Variants in DOCK4 observed in about 807,000 individuals in gnomAD.
The protein encoded by DOCK4 is dedicator of cytokinesis 4, also known as dedicator of cytokinesis protein 4.
DOCK4 carries 97 observed loss-of-function variants against 268.1 expected under a neutral mutation model. The observed-to-expected ratio is 0.36, with a 90% CI of 0.31 to 0.43. DOCK4 has a LOEUF of 0.43. Ranked by LOEUF, DOCK4 falls within the 20% of genes least tolerant of loss-of-function variation. The pLI is 1.00. For synonymous variants in DOCK4, 954 were observed against 887.2 expected, an observed-to-expected ratio of 1.08 and a Z score of -1.34; for missense variants, 2,145 against 2,455.7, an observed-to-expected ratio of 0.87 and a Z score of 2.67.
intron 8 of DOCK4, among the ~76,000 whole-genome samples, chr7:111,947,874 C>T (rs1311141222): frequency 1.3e-5 from 2 of 152,008 alleles, no homozygotes; most frequent in African/African-American, 4.8e-5. Context: ...CAGCTGTGTG[C>T]CACCACACTC....
At chr7:112,078,756 T>C (rs1035526660) in intron 1 of DOCK4, among the ~76,000 whole-genome samples, 22 of 152,226 alleles carry the variant, frequency 1.4e-4, no homozygotes, top group African/African-American at 4.8e-4. Flanking sequence ...CACTCACTTA[T>C]ACACGTATCT....
At chr7:111,987,102 G>A (rs1408901428) in intron 6 of DOCK4, among the ~76,000 whole-genome samples, 3 of 152,036 alleles carry the variant, frequency 2.0e-5, no homozygotes, top group Non-Finnish European at 2.9e-5. Context: ...CAAAGAAAAC[G>A]GAATCATAGC....
At chr7:111,742,818 G>A (rs367648221) in intron 44 of DOCK4, among the ~76,000 whole-genome samples, 2 of 151,910 alleles carry the variant, frequency 1.3e-5, no homozygotes, top group African/African-American at 2.4e-5. Context: ...ACAGTGAAAC[G>A]CTGTCTCTAC....
chr7:111,856,079 T>C (rs1804985571), intron 23 of DOCK4, among the ~76,000 whole-genome samples: 2 of 152,166 alleles, frequency 1.3e-5, no homozygotes, highest in African/African-American at 4.8e-5. Flanking sequence ...CAATTCCCAC[T>C]ACCTTGCAAG....
intron 1 of DOCK4, among the ~76,000 whole-genome samples, chr7:112,078,327 G>C (rs1042647377): frequency 6.6e-6 from 1 of 152,008 alleles, no homozygotes; most frequent in Non-Finnish European, 1.5e-5. Context: ...CTACGTCCAA[G>C]ACAACTAGAG....
At chr7:112,045,894 A>G (rs553809967) in intron 1 of DOCK4, among the ~76,000 whole-genome samples, 2 of 152,346 alleles carry the variant, frequency 1.3e-5, no homozygotes, top group African/African-American at 4.8e-5. Flanking sequence ...CCCTCCAAAA[A>G]AGTTTGTTAA....
chr7:111,876,839 CCTT>C (rs1355694772), intron 17 of DOCK4, among the ~76,000 whole-genome samples, 188 bp downstream of exon 17: 3 of 146,600 alleles, frequency 2.0e-5, no homozygotes, highest in Non-Finnish European at 3.0e-5. Flanking sequence ...ATTCTGAAGT[CCTT>C]CTTAAATGAC....
rs141947309 is a variant in DOCK4, at chr7:112,142,709, C to A, written c.37+63393G>T. Among the ~76,000 whole-genome samples the A allele has an allele frequency of 4.3e-3, 659 of 151,976 alleles. 8 individuals carry two copies. Among genetic ancestry groups the A allele is most frequent in the African/African-American group, 0.015 (634 of 41,432 alleles). ...TTACCACTACAGAACTAAACAGGATCCTGAATTTTGTGTATATCATTCACA... is the reference window on the plus strand; with the variant it reads ...TTACCACTACAGAACTAAACAGGATACTGAATTTTGTGTATATCATTCACA... On this transcript the variant is annotated intron_variant, in intron 1 of 52. Coordinates refer to ENST00000428084, the MANE Select transcript of DOCK4 (RefSeq NM_001363540.2).
At chr7:112,185,092 A>G (rs1381931344) in intron 1 of DOCK4, among the ~76,000 whole-genome samples, 1 of 152,200 alleles carries the variant, frequency 6.6e-6, no homozygotes, top group African/African-American at 2.4e-5. Flanking sequence ...TAAAAAATAA[A>G]GAATCTATAG....
At chr7:112,160,157 A>G (rs1816978163) in intron 1 of DOCK4, among the ~76,000 whole-genome samples, 1 of 152,174 alleles carries the variant, frequency 6.6e-6, no homozygotes, top group African/African-American at 2.4e-5. Context: ...TGTCTATCTC[A>G]GTGCACTGCA....
intron 35 of DOCK4, among the ~76,000 whole-genome samples, chr7:111,779,570 T>C (rs1274073548): frequency 6.6e-6 from 1 of 152,036 alleles, no homozygotes; most frequent in African/African-American, 2.4e-5. Flanking sequence ...GCTAAGAATT[T>C]TTAGTAGAGA....
At chr7:111,899,919 G>C (rs866739461) in intron 15 of DOCK4, among the ~76,000 whole-genome samples, 26 of 152,266 alleles carry the variant, frequency 1.7e-4, no homozygotes, top group South Asian at 8.3e-4. Flanking sequence ...GTGAGGCTTT[G>C]CTTCGAAACA....
chr7:111,867,302 G>A (rs78981294), intron 22 of DOCK4, among the ~76,000 whole-genome samples: 2,147 of 152,218 alleles, frequency 0.014, 20 homozygotes, highest in Non-Finnish European at 0.023. Flanking sequence ...CATGGTAAGA[G>A]GCTGCTTCTC....
Position 111,863,460 on chromosome 7 carries a change from C to T in DOCK4, c.2385G>A (p.Pro795=), listed in dbSNP as rs192790569. The change falls in exon 23 of 53, where the codon CCG becomes CCA. Residue 795 remains proline, a synonymous_variant. Transcript: ENST00000428084. The part of the protein sequence containing the change: ...NLVQDTLGSL[P]TILHVDDSLQ... ...GGGAATCATCCACATGCAGGATGGT[C>T]GGCAGACTGCCCAGGGTGTCCTGGA... 345 of 1,613,954 alleles carry T rather than the reference C, an allele frequency of 2.1e-4. 1 individual carries two copies. The highest frequency in any genetic ancestry group is 4.9e-4 in the Middle Eastern group (3 of 6,062).
At chr7:112,078,320 C>T (rs945597332) in intron 1 of DOCK4, among the ~76,000 whole-genome samples, 2 of 152,112 alleles carry the variant, frequency 1.3e-5, no homozygotes, top group Admixed American at 6.6e-5. Flanking sequence ...CTCCCAGCTA[C>T]GTCCAAGACA....
rs543010140 is a variant in DOCK4 at position 111,779,476 on chromosome 7, C to T, written c.3586-1107G>A. 2.6e-5 allele frequency among the ~76,000 whole-genome samples: 4 copies of T among 152,284 alleles called. No individual in the cohort carries two copies. In the East Asian group the frequency reaches 7.7e-4, roughly 29 times the overall value. ...GCAGTGGTGCAATCTCAGCTGACTG[C>T]AACCTCCGCCTTCCGAGTTCAAGTG... On this transcript the variant is annotated intron_variant, in intron 35 of 52. Transcript: ENST00000428084.
chr7:111,876,012 A>C (rs1350764748), intron 17 of DOCK4, among the ~76,000 whole-genome samples: 1 of 152,138 alleles, frequency 6.6e-6, no homozygotes, highest in Non-Finnish European at 1.5e-5. Context: ...TAAGGATCTC[A>C]ATAAGAGGTT....
At chr7:111,812,818 G>A (rs867832947) in intron 27 of DOCK4, among the ~76,000 whole-genome samples, 3 of 152,138 alleles carry the variant, frequency 2.0e-5, no homozygotes, top group South Asian at 4.1e-4. Context: ...AACCCAGTAC[G>A]AAGCTGTGTG....
At chr7:112,186,573 T>G (rs1319570982) in intron 1 of DOCK4, among the ~76,000 whole-genome samples, 1 of 152,236 alleles carries the variant, frequency 6.6e-6, no homozygotes, top group East Asian at 1.9e-4. Context: ...CAGTAAAGGT[T>G]TACTATTATT....
Sources: allele counts gnomAD v4.1 joint callset (sites outside exome capture counted in the v4.1 genomes callset), GRCh38; gene constraint gnomAD v4.1.1; transcripts MANE v1.5; gene names NCBI Gene and HGNC (gene_info 2026-07-23, HGNC 2026-07-21).